Variants in ESYT2 observed in about 807,000 individuals in gnomAD.
ESYT2 encodes extended synaptotagmin 2.
Under a neutral mutation model 107.2 loss-of-function variants are expected in ESYT2, and 54 were observed. The ratio of observed to expected loss-of-function variants is 0.50; its 90% CI spans 0.40 to 0.63. The LOEUF (loss-of-function observed/expected upper bound fraction) is 0.63, where lower values mean the gene tolerates loss of function less well. ESYT2 is among the 30% of genes least tolerant of loss of function. The pLI is 0.00. For synonymous variants in ESYT2, 491 were observed against 434.1 expected, an observed-to-expected ratio of 1.13 and a Z score of -1.63; for missense variants, 1,020 against 1,094.5, an observed-to-expected ratio of 0.93 and a Z score of 0.96.
chr7:158,828,764 G>A (rs1348497538), intron 1 of ESYT2, among the ~76,000 whole-genome samples: 3 of 152,032 alleles, frequency 2.0e-5, no homozygotes, highest in Non-Finnish European at 2.9e-5. Flanking sequence ...CCGGGGCGGG[G>A]CTGGGGTCTG....
chr7:158,738,344 G>GAC (rs199580275), intron 19 of ESYT2, among the ~76,000 whole-genome samples: 2,934 of 131,310 alleles, frequency 0.022, 139 homozygotes, highest in African/African-American at 0.048. Context: ...CACACACACA[G>GAC]ACACACACAC....
At chr7:158,809,630 G>A (rs1839939562) in intron 1 of ESYT2, among the ~76,000 whole-genome samples, 1 of 152,154 alleles carries the variant, frequency 6.6e-6, no homozygotes, top group Non-Finnish European at 1.5e-5. Flanking sequence ...TCACAATGAG[G>A]TATCACTTCA....
intron 7 of ESYT2, 117 bp from the exon 8 acceptor site, chr7:158,767,891 G>A (rs1838218142): frequency 1.6e-6 from 2 of 1,224,740 alleles, no homozygotes; most frequent in Non-Finnish European, 2.2e-6. Flanking sequence ...TACAGAGTAG[G>A]AGTTATCTCA....
At chr7:158,792,981 G>A (rs1044957453) in intron 4 of ESYT2, among the ~76,000 whole-genome samples, 7 of 151,866 alleles carry the variant, frequency 4.6e-5, no homozygotes, top group Non-Finnish European at 8.8e-5. Context: ...TGTTAGCCAC[G>A]ATGGTCCTGA....
At chr7:158,755,210 G>A (rs1039010187) in intron 13 of ESYT2, among the ~76,000 whole-genome samples, 1 of 152,190 alleles carries the variant, frequency 6.6e-6, no homozygotes, top group Non-Finnish European at 1.5e-5. Context: ...GAGAGCACTG[G>A]GTTGGCAGCC....
At chr7:158,752,309 T>G (rs1036260986) in intron 14 of ESYT2, among the ~76,000 whole-genome samples, 1 of 152,192 alleles carries the variant, frequency 6.6e-6, no homozygotes, top group Non-Finnish European at 1.5e-5. Context: ...TCTCAAGAGA[T>G]CACCCAAACC....
At chr7:158,753,876 G>C (rs1258236438) in intron 13 of ESYT2, among the ~76,000 whole-genome samples, 1 of 152,104 alleles carries the variant, frequency 6.6e-6, no homozygotes, top group African/African-American at 2.4e-5. Context: ...CTGCCCGGAA[G>C]GACTGACATT....
At chr7:158,802,853 A>G (rs1346059516) in intron 1 of ESYT2, among the ~76,000 whole-genome samples, 1 of 152,274 alleles carries the variant, frequency 6.6e-6, no homozygotes, top group Non-Finnish European at 1.5e-5. Flanking sequence ...ATTCTTTTAG[A>G]AACAAAATGC....
intron 1 of ESYT2, among the ~76,000 whole-genome samples, chr7:158,806,133 T>TGCCGGGGCACACCGTGTGGGAGGC (rs1839825996): frequency 8.3e-5 from 3 of 36,326 alleles, no homozygotes; most frequent in African/African-American, 1.5e-4. Context: ...GCGTGGGAGG[T>TGCCGGGGCACACCGTGTGGGAGGC]GCCGGGGCAC....
intron 1 of ESYT2, among the ~76,000 whole-genome samples, chr7:158,801,038 G>A (rs1056574782): frequency 6.6e-6 from 1 of 152,180 alleles, no homozygotes; most frequent in African/African-American, 2.4e-5. Context: ...GGCAGTGATG[G>A]ACACGAGCAC....
chr7:158,790,983 T>C lies in ESYT2; in HGVS notation c.585-2566A>G, dbSNP rs146063710. The stretch of plus-strand genomic sequence containing the variant: ...AAAAATCTACCCTCATAATCATTTT[T>C]AAGTGTACAACTCAGTGGTACTAAA... On this transcript the variant is annotated intron_variant, in intron 4 of 22. Transcript: ENST00000275418. 4.6e-5 allele frequency among the ~76,000 whole-genome samples: 7 copies of C among 152,302 alleles called. No homozygotes were observed. The East Asian group carries it at 1.3e-3, about 29-fold the overall frequency.
chr7:158,815,881 G>T (rs191208399), intron 1 of ESYT2, among the ~76,000 whole-genome samples: 3 of 152,314 alleles, frequency 2.0e-5, no homozygotes, highest in Admixed American at 2.0e-4. Flanking sequence ...AAATAAATCT[G>T]ATTTCTGAGA....
chr7:158,759,218 G>T (rs146680771), intron 13 of ESYT2, among the ~76,000 whole-genome samples: 1 of 152,290 alleles, frequency 6.6e-6, no homozygotes, highest in African/African-American at 2.4e-5. Flanking sequence ...TGATTTTCTA[G>T]AGAGTTAACC....
Position 158,788,429 on chromosome 7 carries a change from T to C in ESYT2, c.585-12A>G. ...AATTTCCTACAAAACTAACAAAAAA[T>C]TCTGCATTACATGATGTAAGTGAAA... is the stretch of plus-strand genomic sequence containing the variant. On this transcript the variant is annotated splice_polypyrimidine_tract_variant and intron_variant, in intron 4 of 22. Coordinates refer to ENST00000275418, the MANE Select transcript of ESYT2 (RefSeq NM_001367773.1). 1.2e-6 allele frequency: 2 copies of C among 1,603,328 alleles called. No individual in the cohort carries two copies. Among genetic ancestry groups the C allele is most frequent in the Non-Finnish European group, 8.5e-7 (1 of 1,174,174 alleles).
intron 19 of ESYT2, among the ~76,000 whole-genome samples, chr7:158,738,370 C>T (rs1311428404): frequency 6.7e-6 from 1 of 149,726 alleles, no homozygotes; most frequent in Admixed American, 6.6e-5. Flanking sequence ...CACACACACA[C>T]ACACACACTC....
At chr7:158,755,558 T>C (rs1228901101) in intron 13 of ESYT2, among the ~76,000 whole-genome samples, 1 of 152,198 alleles carries the variant, frequency 6.6e-6, no homozygotes, top group African/African-American at 2.4e-5. Flanking sequence ...AGATTTACAC[T>C]AGTCTATGAT....
At chr7:158,809,400 T>C (rs367877628) in intron 1 of ESYT2, among the ~76,000 whole-genome samples, 75 of 124,850 alleles carry the variant, frequency 6.0e-4, no homozygotes, top group African/African-American at 2.2e-3. Flanking sequence ...CGCTTGAACC[T>C]GGGAGGCGAA....
chr7:158,782,336 TGA>T (rs1392541559), intron 6 of ESYT2, among the ~76,000 whole-genome samples: 2 of 131,496 alleles, frequency 1.5e-5, no homozygotes, highest in African/African-American at 5.8e-5. Flanking sequence ...GAGAACAGTG[TGA>T]GGTGTGAGTG....
chr7:158,792,134 G>C (rs973191589), intron 4 of ESYT2, among the ~76,000 whole-genome samples: 1 of 143,622 alleles, frequency 7.0e-6, no homozygotes, highest in African/African-American at 2.6e-5. Context: ...CTACTTTCCT[G>C]AATTTATTTC....
Sources: allele counts gnomAD v4.1 joint callset (sites outside exome capture counted in the v4.1 genomes callset), GRCh38; gene constraint gnomAD v4.1.1; transcripts MANE v1.5; gene names NCBI Gene and HGNC (gene_info 2026-07-23, HGNC 2026-07-21).